Variants in FAF1 observed in about 807,000 individuals in gnomAD.
The protein encoded by FAF1 is FAS-associated factor 1.
Under a neutral mutation model 92.5 loss-of-function variants are expected in FAF1, and 25 were observed. That is an observed-to-expected ratio of 0.27 (90% CI 0.20 to 0.38). FAF1 has a LOEUF of 0.38. FAF1 is among the 10% of genes least tolerant of loss of function. FAF1 has a pLI of 1.00. For missense variants in FAF1, 636 were observed against 793.3 expected (o/e 0.80, Z 2.38); for synonymous variants, 234 against 273.2 (o/e 0.86, Z 1.42).
intron 12 of FAF1, among the ~76,000 whole-genome samples, chr1:50,573,843 C>T (rs1041238960): frequency 1.1e-4 from 16 of 151,598 alleles, no homozygotes; most frequent in South Asian, 4.2e-4. Flanking sequence ...AAAACAAAGC[C>T]TTCCCTAGGT....
intron 2 of FAF1, among the ~76,000 whole-genome samples, chr1:50,822,870 G>T (rs1301863440): frequency 2.6e-5 from 4 of 151,200 alleles, no homozygotes; most frequent in African/African-American, 9.7e-5. Flanking sequence ...TGCCTCTCGG[G>T]TTCAAGCGAT....
rs557396801 is a variant in FAF1 at position 50,861,588 on chromosome 1, C to T, written c.46-3591G>A. 5.3e-5 allele frequency among the ~76,000 whole-genome samples: 8 copies of T among 151,892 alleles called. No individual in the cohort carries two copies. The South Asian group carries it at 1.5e-3, about 28-fold the overall frequency. The stretch of plus-strand genomic sequence containing the variant: ...GAGGTAGTAAGGGACAAAAATGCTA[C>T]TTATTGGGTACAGTGTACACTATTC... On this transcript the variant is annotated intron_variant, in intron 1 of 18. Transcript: ENST00000396153.
intron 6 of FAF1, among the ~76,000 whole-genome samples, chr1:50,712,415 G>A (rs1342746379): frequency 6.6e-6 from 1 of 152,154 alleles, no homozygotes; most frequent in Admixed American, 6.5e-5. Context: ...TAACACTTTG[G>A]GAGGCAGAGG....
chr1:50,447,115 T>A (rs564775119), intron 18 of FAF1, among the ~76,000 whole-genome samples: 8 of 148,520 alleles, frequency 5.4e-5, no homozygotes, highest in African/African-American at 7.5e-5. Context: ...TCAAAACATA[T>A]TCCTGCTTTT....
At chr1:50,611,262 G>T (rs534435549) in intron 8 of FAF1, among the ~76,000 whole-genome samples, 1 of 152,294 alleles carries the variant, frequency 6.6e-6, no homozygotes, top group East Asian at 1.9e-4. Flanking sequence ...GTATTAGGGA[G>T]AAAGAATTTT....
intron 1 of FAF1, among the ~76,000 whole-genome samples, chr1:50,871,854 A>G (rs892717353): frequency 6.6e-6 from 1 of 152,156 alleles, no homozygotes; most frequent in African/African-American, 2.4e-5. Flanking sequence ...TCACGAGGTC[A>G]GGAGATCGAG....
intron 4 of FAF1, among the ~76,000 whole-genome samples, chr1:50,758,722 C>G (rs1660188021): frequency 6.6e-6 from 1 of 152,154 alleles, no homozygotes; most frequent in African/African-American, 2.4e-5. Context: ...CTCCAGTCTT[C>G]ATTTCTGAAA....
Position 50,592,556 on chromosome 1 carries a change from G to A in FAF1, c.840+3565C>T, listed in dbSNP as rs185666636. Among the ~76,000 whole-genome samples, 19 of 152,270 alleles carry A rather than the reference G, an allele frequency of 1.2e-4. No individual in the cohort carries two copies. In the East Asian group the frequency reaches 3.5e-3, roughly 28 times the overall value. ...AGAATCAAAATTCTCCCAGCTAAAG[G>A]AAATATAACTACAATCCATAAAGTC... On this transcript the variant is annotated intron_variant, in intron 9 of 18. Coordinates refer to ENST00000396153, the MANE Select transcript of FAF1 (RefSeq NM_007051.3).
chr1:50,480,755 TTTTA>T (rs1646691277), intron 17 of FAF1, among the ~76,000 whole-genome samples: 1 of 152,222 alleles, frequency 6.6e-6, no homozygotes, highest in African/African-American at 2.4e-5. Context: ...TGCACTATAC[TTTTA>T]TTTGTTATTT....
intron 8 of FAF1, among the ~76,000 whole-genome samples, chr1:50,598,462 TAA>T (rs890794436): frequency 0.094 from 10,521 of 112,140 alleles, 539 homozygotes; most frequent in African/African-American, 0.17. Context: ...AACCTGTCTT[TAA>T]AAAAAAAAAA....
rs3062921 is a variant in FAF1, at chr1:50,819,740, C to CGTATATATATATACGTATATATATACGT, written c.115-18064_115-18063insACGTATATATATACGTATATATATATAC. 5.7e-4 allele frequency among the ~76,000 whole-genome samples: 16 copies of CGTATATATATATACGTATATATATACGT among 28,036 alleles called. 1 individual carries two copies. Among genetic ancestry groups the CGTATATATATATACGTATATATATACGT allele is most frequent in the Admixed American group, 1.0e-3 (2 of 1,966 alleles). 18.4% of individuals were successfully genotyped at this position (28,036 alleles called of 152,430 possible). On this transcript the variant is annotated intron_variant, in intron 2 of 18. Coordinates refer to ENST00000396153, the MANE Select transcript of FAF1 (RefSeq NM_007051.3). ...ACGTATATATATATACATATATATA[C>CGTATATATATATACGTATATATATACGT]ATATATATATACATATATATATACG...
intron 8 of FAF1, among the ~76,000 whole-genome samples, chr1:50,636,948 A>G (rs1292199882): frequency 1.3e-5 from 2 of 152,090 alleles, no homozygotes; most frequent in Non-Finnish European, 1.5e-5. Context: ...TAAAGAACAA[A>G]CTGTCTCCAC....
At chr1:50,612,302 C>G in intron 8 of FAF1, 1 of 1,131,760 alleles carries the variant, frequency 8.8e-7, no homozygotes, top group Non-Finnish European at 1.2e-6. Flanking sequence ...AAGACGAAAT[C>G]TTCAGTTACA....
At chr1:50,867,961 G>A (rs571508290) in intron 1 of FAF1, among the ~76,000 whole-genome samples, 148 of 152,128 alleles carry the variant, frequency 9.7e-4, no homozygotes, top group African/African-American at 3.1e-3. Context: ...AATAAAGAAA[G>A]TGTGGTATAT....
intron 8 of FAF1, among the ~76,000 whole-genome samples, chr1:50,653,844 T>A (rs1418593853): frequency 6.6e-6 from 1 of 152,076 alleles, no homozygotes; most frequent in Non-Finnish European, 1.5e-5. Flanking sequence ...TACTCCAGAC[T>A]GGGCGATAGA....
At chr1:50,832,266 G>A (rs1415848178) in intron 2 of FAF1, among the ~76,000 whole-genome samples, 1 of 152,134 alleles carries the variant, frequency 6.6e-6, no homozygotes, top group African/African-American at 2.4e-5. Flanking sequence ...AAAGGTTGGG[G>A]ACTGCTGATT....
At chr1:50,600,274 C>T (rs1652035158) in intron 8 of FAF1, among the ~76,000 whole-genome samples, 1 of 152,094 alleles carries the variant, frequency 6.6e-6, no homozygotes, top group South Asian at 2.1e-4. Flanking sequence ...CTTTTTATAT[C>T]ATGTAATGAA....
intron 17 of FAF1, 136 bp downstream of exon 17, chr1:50,490,452 G>C: frequency 3.3e-6 from 1 of 306,842 alleles, no homozygotes; most frequent in South Asian, 3.4e-5. Context: ...AGGAAGGAAG[G>C]AAGGAAGGAA....
intron 18 of FAF1, among the ~76,000 whole-genome samples, chr1:50,465,775 G>C (rs1001603951): frequency 2.6e-5 from 4 of 152,122 alleles, no homozygotes; most frequent in African/African-American, 9.7e-5. Flanking sequence ...GGCAGTATTT[G>C]AGCAGCTACC....
Sources: gnomAD v4.1 joint callset for allele counts (sites outside exome capture counted in the v4.1 genomes callset) on GRCh38, gnomAD v4.1.1 for gene constraint, MANE v1.5 for transcripts, NCBI Gene and HGNC (gene_info 2026-07-23, HGNC 2026-07-21) for gene names.